APCDD1L: variants seen among roughly 807,000 people sequenced by gnomAD.
The protein encoded by APCDD1L is APC down-regulated 1 like.
APCDD1L carries 21 observed loss-of-function variants against 24.2 expected under a neutral mutation model. The observed-to-expected ratio is 0.87, with a 90% CI of 0.61 to 1.25. The LOEUF (loss-of-function observed/expected upper bound fraction) is 1.25. Ranked by LOEUF, APCDD1L falls within the 50% of genes most tolerant of loss-of-function variation. The pLI, the probability that APCDD1L is intolerant of heterozygous loss-of-function variation, is 0.00. For missense variants in APCDD1L, 704 were observed against 711.7 expected (o/e 0.99, Z 0.12); for synonymous variants, 321 against 323.6 (o/e 0.99, Z 0.09).
Position 58,460,438 on chromosome 20 carries a change from TG to T in APCDD1L, c.*351del. ...AGGATGGGAAGAACTGGGGGGAACA[TG>T]GGATGGGGGTGTTCCGTGTGGCCCC... On this transcript the variant is annotated 3_prime_UTR_variant, in exon 4 of 4. Transcript: ENST00000371149. This position sits in a 1 kb window ranked among gnomAD's most constrained non-coding sequence, Gnocchi z 4.2. The T allele has an allele frequency of 5.2e-6, 1 of 192,346 alleles. No individual in the cohort carries two copies. The highest frequency in any genetic ancestry group is 2.0e-3 in the Middle Eastern group (1 of 510). 11.9% of individuals were successfully genotyped at this position (192,346 alleles called of 1,614,324 possible). A position where few individuals can be genotyped will look rare whatever the true frequency, so the allele number is the denominator to read the frequency against.
rs2144952 is a variant in APCDD1L, at chr20:58,488,294, C to T, written c.50-17547G>A. Among the ~76,000 whole-genome samples the T allele has an allele frequency of 8.9e-3, 1,348 of 152,238 alleles. 6 individuals carry two copies. The highest frequency in any genetic ancestry group is 0.041 in the Middle Eastern group (12 of 294). ...TAGTATACATAGGATTTGGTATTAT[C>T]CACAGTCTGAGACACCCACTGGGGG... On this transcript the variant is annotated intron_variant, in intron 1 of 3. Transcript: ENST00000371149.
chr20:58,462,557 G>A (rs865989617), intron 3 of APCDD1L, among the ~76,000 whole-genome samples: 14 of 152,266 alleles, frequency 9.2e-5, no homozygotes, highest in African/African-American at 2.2e-4. Context: ...ATCAAAATAT[G>A]TCTGAGCCGG....
rs561798456 is a variant in APCDD1L at position 58,470,706 on chromosome 20, G to C, written c.91C>G (p.Leu31Val). ...TGCTGGCAGTGGGGTTCCCAGCGCA[G>C]GCAGCTGCCCCCGGCCTCCCCAGCC... ...PAAGEAGGSC[L>V]RWEPHCQQPL... The change falls in exon 2 of 4, where the codon CTG becomes GTG. Residue 31 changes from leucine to valine, a missense_variant. Coordinates refer to ENST00000371149, the MANE Select transcript of APCDD1L (RefSeq NM_153360.3). 6 of 1,548,010 alleles carry C rather than the reference G, an allele frequency of 3.9e-6. No individual in the cohort carries two copies. In the South Asian group the frequency reaches 5.9e-5, roughly 15 times the overall value.
At chr20:58,514,223 A>G (rs1275338218) in intron 1 of APCDD1L, among the ~76,000 whole-genome samples, 1 of 151,700 alleles carries the variant, frequency 6.6e-6, no homozygotes, top group Non-Finnish European at 1.5e-5. Flanking sequence ...AGAAGCCCCG[A>G]CCCCGCACAG....
At position 58,467,283 on chromosome 20, in the gene APCDD1L, C is replaced by G; in HGVS notation, c.564G>C (p.Ala188=). Residue 188 remains alanine, a synonymous_variant, in exon 3 of 4, where the codon GCG becomes GCC. Transcript: ENST00000371149. The surrounding 1 kb of genome is among the most constrained non-coding windows in gnomAD (Gnocchi z 5.9). ...SARAQGDCLE[A]LGLTMHELSL... is the part of the protein sequence containing the mutation. ...TGAGCTCGTGCATGGTGAGGCCCAG[C>G]GCCTCCAGGCAGTCCCCCTGAGCCC... 6.4e-7 allele frequency: 1 copy of G among 1,554,030 alleles called. No homozygotes were observed. The highest frequency in any genetic ancestry group is 8.6e-7 in the Non-Finnish European group (1 of 1,156,778).
rs757702271 is a variant in APCDD1L, at chr20:58,461,034, A to G, written c.1262T>C (p.Leu421Pro). Reference protein sequence around the residue: ...YELFKMEQDPLGQSLLFIGQR... With the variant: ...YELFKMEQDPPGQSLLFIGQR... ...TCCGATGAAGAGCAGGCTTTGCCCGAGGGGGTCTTGTTCCATCTTGAAAAG... is the reference window on the plus strand; with the variant it reads ...TCCGATGAAGAGCAGGCTTTGCCCGGGGGGGTCTTGTTCCATCTTGAAAAG... Residue 421 changes from leucine to proline, a missense_variant, in exon 4 of 4, where the codon CTC becomes CCC. Coordinates refer to ENST00000371149, the MANE Select transcript of APCDD1L (RefSeq NM_153360.3). This position sits in a 1 kb window ranked among gnomAD's most constrained non-coding sequence, Gnocchi z 6.0. The G allele has an allele frequency of 3.7e-6, 6 of 1,614,008 alleles. No homozygotes were observed. The highest frequency in any genetic ancestry group is 4.2e-6 in the Non-Finnish European group (5 of 1,179,960).
chr20:58,472,057 G>GC (rs1471176819), intron 1 of APCDD1L, among the ~76,000 whole-genome samples: 2 of 152,170 alleles, frequency 1.3e-5, no homozygotes, highest in East Asian at 3.9e-4. Context: ...AGAGCTGAGG[G>GC]CCCCCCACTG....
At chr20:58,485,429 C>A (rs1264967906) in intron 1 of APCDD1L, among the ~76,000 whole-genome samples, 1 of 152,198 alleles carries the variant, frequency 6.6e-6, no homozygotes, top group East Asian at 1.9e-4. Flanking sequence ...ACAAGTCTAA[C>A]ATATGAATAT....
intron 3 of APCDD1L, among the ~76,000 whole-genome samples, chr20:58,462,408 T>C (rs1047860714): frequency 2.0e-5 from 3 of 152,154 alleles, no homozygotes; most frequent in African/African-American, 7.2e-5. Context: ...CCCCCTCTCA[T>C]GTGCTCATAG....
chr20:58,461,722 G>T lies in APCDD1L; in HGVS notation c.742-168C>A. ...TGCCTTCAGTCAGGACGACCTCCTTGCTTCAGCCAGGATGGCCTCCTTGAT... is the reference window on the plus strand; with the variant it reads ...TGCCTTCAGTCAGGACGACCTCCTTTCTTCAGCCAGGATGGCCTCCTTGAT... On this transcript the variant is annotated intron_variant, in intron 3 of 3. Coordinates refer to ENST00000371149, the MANE Select transcript of APCDD1L (RefSeq NM_153360.3). This position sits in a 1 kb window ranked among gnomAD's most constrained non-coding sequence, Gnocchi z 6.0. The T allele has an allele frequency of 3.0e-6, 2 of 658,682 alleles. No homozygotes were observed. Among genetic ancestry groups the T allele is most frequent in the Non-Finnish European group, 4.4e-6 (2 of 458,516 alleles). The allele number at this position is 658,682 out of a possible 1,614,324, so 40.8% of individuals were successfully genotyped here.
intron 1 of APCDD1L, among the ~76,000 whole-genome samples, chr20:58,492,812 T>A (rs931423003): frequency 3.4e-5 from 5 of 147,866 alleles, no homozygotes; most frequent in Admixed American, 6.7e-5. Flanking sequence ...CATGCATACA[T>A]GCACACACAT....
At chr20:58,483,485 T>G (rs1990063798) in intron 1 of APCDD1L, among the ~76,000 whole-genome samples, 1 of 152,228 alleles carries the variant, frequency 6.6e-6, no homozygotes, top group African/African-American at 2.4e-5. Context: ...TTGACTCAAT[T>G]CAATAACTGA....
chr20:58,463,123 C>T (rs576493875), intron 3 of APCDD1L, among the ~76,000 whole-genome samples: 1 of 111,408 alleles, frequency 9.0e-6, no homozygotes, highest in Non-Finnish European at 1.7e-5. Flanking sequence ...GCCTGGGTGA[C>T]AGAGCAAGAC....
chr20:58,502,142 A>G (rs190208769), intron 1 of APCDD1L, among the ~76,000 whole-genome samples: 7 of 152,162 alleles, frequency 4.6e-5, no homozygotes, highest in Admixed American at 4.6e-4. Context: ...TCACTCTGTC[A>G]CCCAGGATGG....
rs1990562606 is a variant in APCDD1L, at chr20:58,508,468, G to A, written c.49+6191C>T. Among the ~76,000 whole-genome samples, 2 of 152,192 alleles carry A rather than the reference G, an allele frequency of 1.3e-5. No individual in the cohort carries two copies. The highest frequency in any genetic ancestry group is 6.5e-5 in the Admixed American group (1 of 15,282). The stretch of plus-strand genomic sequence containing the variant: ...TGCTTTACATCTTGACAGCATACAA[G>A]GCTTTTAAATCTCAAAATGCCCCCT... On this transcript the variant is annotated intron_variant, in intron 1 of 3. Transcript: ENST00000371149. The surrounding 1 kb of genome is among the most constrained non-coding windows in gnomAD (Gnocchi z 4.0).
chr20:58,497,510 C>T lies in APCDD1L; in HGVS notation c.49+17149G>A, dbSNP rs571322073. 2.2e-4 allele frequency among the ~76,000 whole-genome samples: 33 copies of T among 152,256 alleles called. No individual in the cohort carries two copies. Among genetic ancestry groups the T allele is most frequent in the African/African-American group, 7.0e-4 (29 of 41,536 alleles). On this transcript the variant is annotated intron_variant, in intron 1 of 3. Transcript: ENST00000371149. This position sits in a 1 kb window ranked among gnomAD's most constrained non-coding sequence, Gnocchi z 4.3. ...GGGTTGGTTCCTTCTGAGGCTGGGCCGGGATTGTTCCAGGCCTTTCTTGTG... is the reference window on the plus strand; with the variant it reads ...GGGTTGGTTCCTTCTGAGGCTGGGCTGGGATTGTTCCAGGCCTTTCTTGTG...
In APCDD1L at chr20:58,461,381, G is replaced by T; in HGVS notation, c.915C>A (p.His305Gln). The change falls in exon 4 of 4, where the codon CAC becomes CAA. Residue 305 changes from histidine to glutamine, a missense_variant. Coordinates refer to ENST00000371149, the MANE Select transcript of APCDD1L (RefSeq NM_153360.3). The surrounding 1 kb of genome is among the most constrained non-coding windows in gnomAD (Gnocchi z 6.0). ...VLFLTRLFTF[H>Q]GHSRSWEGYY... The stretch of plus-strand genomic sequence containing the variant: ...ACCCTTCCCAGGAGCGGCTGTGCCC[G>T]TGGAAAGTGAAGAGCCGGGTGAGGA... The T allele has an allele frequency of 6.4e-7, 1 of 1,560,652 alleles. No individual in the cohort carries two copies. Among genetic ancestry groups the T allele is most frequent in the Non-Finnish European group, 8.7e-7 (1 of 1,148,776 alleles).
rs531977980 is a variant in APCDD1L at position 58,494,398 on chromosome 20, G to C, written c.49+20261C>G. 1.3e-5 allele frequency among the ~76,000 whole-genome samples: 2 copies of C among 151,838 alleles called. No individual in the cohort carries two copies. The highest frequency in any genetic ancestry group is 4.2e-4 in the South Asian group (2 of 4,800). ...TGTCGCATAGGCTAGAGTACAATGG[G>C]ATCGGCTCACTGCAGCCTCAAACTC... is the stretch of plus-strand genomic sequence containing the variant. On this transcript the variant is annotated intron_variant, in intron 1 of 3. Transcript: ENST00000371149. The surrounding 1 kb of genome is among the most constrained non-coding windows in gnomAD (Gnocchi z 4.8).
At chr20:58,473,841 T>C (rs1341376440) in intron 1 of APCDD1L, among the ~76,000 whole-genome samples, 1 of 152,230 alleles carries the variant, frequency 6.6e-6, no homozygotes, top group East Asian at 1.9e-4. Flanking sequence ...TTTGCATTCA[T>C]AAGAGCAGGG....
Sources: gnomAD v4.1 joint callset for allele counts (sites outside exome capture counted in the v4.1 genomes callset) on GRCh38, gnomAD v4.1.1 for gene constraint, Gnocchi (gnomAD v3.1) non-coding constraint, MANE v1.5 for transcripts, NCBI Gene and HGNC (gene_info 2026-07-23, HGNC 2026-07-21) for gene names.